Variants in BRF1 observed in about 807,000 individuals in gnomAD.
BRF1 encodes the protein BRF1 general transcription factor IIIB subunit.
Under a neutral mutation model 81.7 loss-of-function variants are expected in BRF1, and 59 were observed. That is an observed-to-expected ratio of 0.72 (90% CI 0.59 to 0.90). The LOEUF is 0.90. Ranked by LOEUF, BRF1 falls within the 40% of genes least tolerant of loss-of-function variation. The probability of loss-of-function intolerance (pLI) is 0.00; values close to 1 mark genes in which losing one functional copy is unlikely to be tolerated. For synonymous variants in BRF1, 491 were observed against 395.6 expected, an observed-to-expected ratio of 1.24 and a Z score of -2.86; for missense variants, 1,050 against 936.3, an observed-to-expected ratio of 1.12 and a Z score of -1.58.
intron 16 of BRF1, chr14:105,211,837 G>A (rs1042230644): frequency 3.8e-6 from 2 of 531,182 alleles, no homozygotes; most frequent in Admixed American, 6.4e-5. Context: ...GCTCCCTGCA[G>A]GCACCAGGCC....
intron 1 of BRF1, among the ~76,000 whole-genome samples, chr14:105,295,160 C>A (rs2057681550): frequency 6.6e-6 from 1 of 152,016 alleles, no homozygotes; most frequent in Non-Finnish European, 1.5e-5. Flanking sequence ...CAAGCATCAG[C>A]AGGAACCCTC....
Position 105,298,887 on chromosome 14 carries a change from G to A in BRF1, c.184+1559C>T, listed in dbSNP as rs139903344. On this transcript the variant is annotated intron_variant, in intron 1 of 17. Transcript: ENST00000547530. ...AAAAAAAAGTTAAAACTTCTGCTTTGAGGCCGTGCGCAGTGGCTCACGCCT... is the reference window on the plus strand; with the variant it reads ...AAAAAAAAGTTAAAACTTCTGCTTTAAGGCCGTGCGCAGTGGCTCACGCCT... Among the ~76,000 whole-genome samples the A allele has an allele frequency of 3.9e-3, 552 of 141,554 alleles. 2 individuals are homozygous for A. Among genetic ancestry groups the A allele is most frequent in the African/African-American group, 0.014 (516 of 38,134 alleles). The allele number at this position is 141,554 out of a possible 152,430, so 92.9% of individuals were successfully genotyped here.
rs1177293964 is a variant in BRF1 at position 105,269,733 on chromosome 14, C to T, written c.439+2988G>A. On this transcript the variant is annotated intron_variant, in intron 3 of 17. Coordinates refer to ENST00000547530, the MANE Select transcript of BRF1 (RefSeq NM_001519.4). The surrounding 1 kb of genome is among the most constrained non-coding windows in gnomAD (Gnocchi z 5.0). ...CCTGCCTGTCATCACCCCATGAAGGCCCATGTCCCAGGGCATCTGTCCCCC... is the reference window on the plus strand; with the variant it reads ...CCTGCCTGTCATCACCCCATGAAGGTCCATGTCCCAGGGCATCTGTCCCCC... Among the ~76,000 whole-genome samples the T allele has an allele frequency of 6.6e-6, 1 of 152,136 alleles. No individual in the cohort carries two copies. The highest frequency in any genetic ancestry group is 2.4e-5 in the African/African-American group (1 of 41,418).
At chr14:105,227,868 T>C (rs2054106841) in intron 7 of BRF1, 1 of 152,214 alleles carries the variant, frequency 6.6e-6, no homozygotes. Flanking sequence ...CAGGACACAA[T>C]CTCAGCTGAA....
chr14:105,314,900 G>A, intron 1 of BRF1: 1 of 984,004 alleles, frequency 1.0e-6, no homozygotes, highest in Non-Finnish European at 1.2e-6. Flanking sequence ...GCCGCCGAGG[G>A]AGCGGCGGGG....
chr14:105,311,887 C>G (rs1034049513), intron 1 of BRF1, among the ~76,000 whole-genome samples: 1 of 152,224 alleles, frequency 6.6e-6, no homozygotes, highest in Non-Finnish European at 1.5e-5. Context: ...GGAGTGGATG[C>G]GGCAGGGCCT....
intron 3 of BRF1, among the ~76,000 whole-genome samples, chr14:105,259,009 C>G (rs952663049): frequency 6.6e-6 from 1 of 152,146 alleles, no homozygotes; most frequent in Non-Finnish European, 1.5e-5. Flanking sequence ...GGATGTGGGG[C>G]AAGCACAGCT....
In BRF1 at chr14:105,262,046, C is replaced by G. The variant is rs587695788; in HGVS notation, c.440-5497G>C. Among the ~76,000 whole-genome samples the G allele has an allele frequency of 2.7e-3, 407 of 152,306 alleles. 1 individual carries two copies. Among genetic ancestry groups the G allele is most frequent in the Middle Eastern group, 6.8e-3 (2 of 294 alleles). ...GCAGTAGTGCCCAGCCCCAACCCACCAAGGGCAAGGCCCTGGCAGCACTCA... is the reference window on the plus strand; with the variant it reads ...GCAGTAGTGCCCAGCCCCAACCCACGAAGGGCAAGGCCCTGGCAGCACTCA... On this transcript the variant is annotated intron_variant, in intron 3 of 17. Coordinates refer to ENST00000547530, the MANE Select transcript of BRF1 (RefSeq NM_001519.4).
chr14:105,242,444 A>C (rs2054747742), intron 5 of BRF1: 1 of 152,136 alleles, frequency 6.6e-6, no homozygotes, highest in Non-Finnish European at 1.5e-5. Flanking sequence ...ACGATAAAAA[A>C]TATGCTCATA....
At position 105,210,539 on chromosome 14, in the gene BRF1, G is replaced by A. The variant is rs761535507; in HGVS notation, c.*12C>T. 2 of 1,610,690 alleles carry A rather than the reference G, an allele frequency of 1.2e-6. No individual in the cohort carries two copies. The highest frequency in any genetic ancestry group is 1.1e-5 in the South Asian group (1 of 91,024). On this transcript the variant is annotated 3_prime_UTR_variant, in exon 18 of 18. Coordinates refer to ENST00000547530, the MANE Select transcript of BRF1 (RefSeq NM_001519.4). This position sits in a 1 kb window ranked among gnomAD's most constrained non-coding sequence, Gnocchi z 4.7. ...CCCCCTGCCAGGACATCACCTGCCTGGAGGCCACACTTCAGTAGCCGTCGT... is the reference window on the plus strand; with the variant it reads ...CCCCCTGCCAGGACATCACCTGCCTAGAGGCCACACTTCAGTAGCCGTCGT...
At chr14:105,256,885 G>T (rs113028118) in intron 3 of BRF1, among the ~76,000 whole-genome samples, 3 of 152,154 alleles carry the variant, frequency 2.0e-5, no homozygotes, top group African/African-American at 7.2e-5. Flanking sequence ...CCACACACCC[G>T]CCTGCCCAGT....
chr14:105,248,687 G>A (rs1182330309), intron 5 of BRF1: 2 of 981,874 alleles, frequency 2.0e-6, no homozygotes, highest in Non-Finnish European at 2.4e-6. Context: ...TGGCAGCCCC[G>A]CGGGTCACAG....
chr14:105,297,509 G>A (rs2057794628), intron 1 of BRF1, among the ~76,000 whole-genome samples: 1 of 152,110 alleles, frequency 6.6e-6, no homozygotes, highest in Non-Finnish European at 1.5e-5. Flanking sequence ...GGCGGAGGGT[G>A]CAGTGAGCTC....
Position 105,284,197 on chromosome 14 carries a change from C to T in BRF1, c.265+2099G>A, listed in dbSNP as rs587653840. ...ACTGGCCTTCCACCCGGCCACGGCT[C>T]GAAGCATTTCCGAAGACTGAAATCA... On this transcript the variant is annotated intron_variant, in intron 2 of 17. Transcript: ENST00000547530. This position sits in a 1 kb window ranked among gnomAD's most constrained non-coding sequence, Gnocchi z 4.0. Among the ~76,000 whole-genome samples the T allele has an allele frequency of 1.3e-4, 20 of 152,160 alleles. No individual in the cohort carries two copies. The highest frequency in any genetic ancestry group is 4.6e-4 in the African/African-American group (19 of 41,502).
At chr14:105,263,721 C>T (rs922135264) in intron 3 of BRF1, among the ~76,000 whole-genome samples, 2 of 152,036 alleles carry the variant, frequency 1.3e-5, no homozygotes, top group Non-Finnish European at 2.9e-5. Flanking sequence ...GTCAGGAGAT[C>T]GAGACCATCC....
At chr14:105,219,742 T>C (rs368293621) in intron 12 of BRF1, 1 of 469,122 alleles carries the variant, frequency 2.1e-6, no homozygotes, top group Non-Finnish European at 3.9e-6. Context: ...AGTCAGTGGG[T>C]GCCCTCTTGT....
intron 3 of BRF1, among the ~76,000 whole-genome samples, chr14:105,266,079 A>G (rs930558895): frequency 2.0e-5 from 3 of 151,854 alleles, no homozygotes. Context: ...TCAAAAAAAA[A>G]CAAAACAAAC....
intron 3 of BRF1, among the ~76,000 whole-genome samples, chr14:105,258,753 C>T (rs1167665152): frequency 6.8e-6 from 1 of 147,268 alleles, no homozygotes; most frequent in Non-Finnish European, 1.5e-5. Context: ...AAGCAAATAT[C>T]GCACCACTGC....
intron 1 of BRF1, among the ~76,000 whole-genome samples, chr14:105,313,171 G>A (rs2058396136): frequency 6.6e-6 from 1 of 152,188 alleles, no homozygotes; most frequent in South Asian, 2.1e-4. Context: ...GCATACACAG[G>A]CACCATGTGT....
Sources: allele counts gnomAD v4.1 joint callset (sites outside exome capture counted in the v4.1 genomes callset), GRCh38; gene constraint gnomAD v4.1.1; non-coding constraint Gnocchi (gnomAD v3.1); transcripts MANE v1.5; gene names NCBI Gene and HGNC (gene_info 2026-07-23, HGNC 2026-07-21).